Variants in EXOC4 observed in about 807,000 individuals in gnomAD.
EXOC4 encodes SEC8-like 1.
EXOC4 carries 71 observed loss-of-function variants against 107.2 expected under a neutral mutation model. That is an observed-to-expected ratio of 0.66 (90% CI 0.55 to 0.81). The LOEUF (loss-of-function observed/expected upper bound fraction) is 0.81, where lower values mean the gene tolerates loss of function less well. Ranked by LOEUF, EXOC4 falls within the 30% of genes least tolerant of loss-of-function variation. EXOC4 has a pLI of 0.00. For missense variants in EXOC4, 1,108 were observed against 1,189.6 expected (o/e 0.93, Z 1.01); for synonymous variants, 456 against 441.2 (o/e 1.03, Z -0.42).
At chr7:133,477,344 TCTGATCTTTTGA>T (rs1444034032) in intron 8 of EXOC4, among the ~76,000 whole-genome samples, 1 of 152,162 alleles carries the variant, frequency 6.6e-6, no homozygotes, top group African/African-American at 2.4e-5. Context: ...CCTGGCAACC[TCTGATCTTTTGA>T]CTATCTCCAT....
At chr7:133,500,320 C>T (rs967800339) in intron 9 of EXOC4, among the ~76,000 whole-genome samples, 2 of 152,130 alleles carry the variant, frequency 1.3e-5, no homozygotes, top group African/African-American at 4.8e-5. Context: ...AGCCCTTGGT[C>T]ACTGGTAAAA....
chr7:133,433,918 C>CT (rs1391248941), intron 7 of EXOC4, among the ~76,000 whole-genome samples: 2 of 152,146 alleles, frequency 1.3e-5, no homozygotes, highest in African/African-American at 4.8e-5. Flanking sequence ...CCAGTGGCTC[C>CT]TTTTTTTGTT....
At chr7:133,498,660 G>A (rs1048152607) in intron 9 of EXOC4, among the ~76,000 whole-genome samples, 1 of 152,150 alleles carries the variant, frequency 6.6e-6, no homozygotes, top group Non-Finnish European at 1.5e-5. Context: ...TCATCTCTTG[G>A]TTGTTCCTGC....
At chr7:134,021,848 C>T (rs1795038456) in intron 17 of EXOC4, among the ~76,000 whole-genome samples, 1 of 151,650 alleles carries the variant, frequency 6.6e-6, no homozygotes, top group Admixed American at 6.6e-5. Context: ...CAGGCATTAA[C>T]ACTGCATCTC....
intron 10 of EXOC4, among the ~76,000 whole-genome samples, chr7:133,674,529 G>A (rs1271243453): frequency 6.6e-6 from 1 of 152,056 alleles, no homozygotes; most frequent in Non-Finnish European, 1.5e-5. Flanking sequence ...TCACTTATAT[G>A]CCAATAATGT....
rs12672559 is a variant in EXOC4 at position 133,627,963 on chromosome 7, T to C, written c.1418-2082T>C. The stretch of plus-strand genomic sequence containing the variant: ...GTATGGATTTCTGAAGCTTCACATG[T>C]TTTTATCAGTCGATTTCCAAGATGC... On this transcript the variant is annotated intron_variant, in intron 9 of 17. Coordinates refer to ENST00000253861, the MANE Select transcript of EXOC4 (RefSeq NM_021807.4). Among the ~76,000 whole-genome samples the C allele has an allele frequency of 7.2e-5, 11 of 152,292 alleles. No homozygotes were observed. The East Asian group carries it at 1.5e-3, about 21-fold the overall frequency.
chr7:134,013,690 A>T (rs1794826126), intron 17 of EXOC4, among the ~76,000 whole-genome samples: 2 of 152,224 alleles, frequency 1.3e-5, no homozygotes, highest in African/African-American at 4.8e-5. Context: ...TTCTAAAAAT[A>T]AAGTCTATTA....
intron 5 of EXOC4, among the ~76,000 whole-genome samples, chr7:133,322,639 A>T (rs1249780204): frequency 1.3e-5 from 2 of 152,192 alleles, no homozygotes; most frequent in Non-Finnish European, 2.9e-5. Context: ...TATAGTTTGA[A>T]GTCAGGTAGT....
chr7:133,347,485 G>A (rs957880533), intron 5 of EXOC4, among the ~76,000 whole-genome samples: 2 of 151,202 alleles, frequency 1.3e-5, no homozygotes, highest in African/African-American at 2.4e-5. Context: ...CTCTTGATCC[G>A]CCTGCCTCAG....
At chr7:133,353,390 C>T (rs1403873305) in intron 5 of EXOC4, among the ~76,000 whole-genome samples, 3 of 152,058 alleles carry the variant, frequency 2.0e-5, no homozygotes, top group Non-Finnish European at 4.4e-5. Flanking sequence ...TTTTGAAGGA[C>T]AGTTTTGTGT....
At chr7:133,592,602 C>T (rs1301208285) in intron 9 of EXOC4, among the ~76,000 whole-genome samples, 2 of 151,882 alleles carry the variant, frequency 1.3e-5, no homozygotes, top group Non-Finnish European at 2.9e-5. Flanking sequence ...GCCACCATAC[C>T]CGGCTATTTT....
intron 10 of EXOC4, among the ~76,000 whole-genome samples, chr7:133,686,992 TTTGTGTGTGTGTGTGTG>T (rs1794316394): frequency 4.9e-5 from 2 of 40,758 alleles, no homozygotes; most frequent in Admixed American, 3.2e-4. Context: ...GATAAAGAAT[TTTGTGTGTGTGTGTGTG>T]TGTGTGTGTG....
At chr7:133,870,126 G>C (rs1223169445) in intron 11 of EXOC4, among the ~76,000 whole-genome samples, 1 of 152,154 alleles carries the variant, frequency 6.6e-6, no homozygotes. Context: ...GGAAGAGCTG[G>C]AGGTAAAAGA....
the EXOC4 span, among the ~76,000 whole-genome samples, chr7:134,093,788 A>G: frequency 1.3e-5 from 2 of 152,224 alleles, no homozygotes; most frequent in African/African-American, 4.8e-5. Context: ...AAACCACATA[A>G]TTACATGGAA....
rs1228739389 is a variant in EXOC4 at position 133,507,988 on chromosome 7, A to C, written c.1417+27850A>C. On this transcript the variant is annotated intron_variant, in intron 9 of 17. Coordinates refer to ENST00000253861, the MANE Select transcript of EXOC4 (RefSeq NM_021807.4). The stretch of plus-strand genomic sequence containing the variant: ...GGCAGGAGAATCACTTGAACCTGGA[A>C]GGCAGAGGTTGCAGTGAACCAAGAT... Among the ~76,000 whole-genome samples the C allele has an allele frequency of 2.6e-5, 4 of 152,140 alleles. No individual in the cohort carries two copies. The East Asian group carries it at 5.8e-4, about 22-fold the overall frequency.
chr7:133,763,758 T>C (rs1796081678), intron 10 of EXOC4, among the ~76,000 whole-genome samples: 3 of 151,956 alleles, frequency 2.0e-5, no homozygotes, highest in South Asian at 4.1e-4. Context: ...ATTATAGTTT[T>C]TGTTTTGTTT....
chr7:133,966,526 T>G (rs1463372148), intron 14 of EXOC4, among the ~76,000 whole-genome samples: 1 of 152,220 alleles, frequency 6.6e-6, no homozygotes, highest in African/African-American at 2.4e-5. Context: ...TTGAGAGTTT[T>G]TAGCATGAAG....
chr7:133,484,007 C>G, intron 9 of EXOC4: 2 of 1,613,304 alleles, frequency 1.2e-6, no homozygotes, highest in Non-Finnish European at 1.7e-6. Context: ...CCAGTAATTT[C>G]GGTTCATACG....
intron 5 of EXOC4, among the ~76,000 whole-genome samples, chr7:133,336,900 AT>A (rs937497699): frequency 8.9e-4 from 135 of 151,826 alleles, no homozygotes; most frequent in African/African-American, 3.2e-3. Context: ...TGCCTAGCTA[AT>A]TTTTGTGTTT....
Sources: gnomAD v4.1 joint callset for allele counts (sites outside exome capture counted in the v4.1 genomes callset) on GRCh38, gnomAD v4.1.1 for gene constraint, MANE v1.5 for transcripts, NCBI Gene and HGNC (gene_info 2026-07-23, HGNC 2026-07-21) for gene names.